GRIN2D: variants seen among roughly 807,000 people sequenced by gnomAD.
GRIN2D encodes the protein glutamate ionotropic receptor NMDA type subunit 2D.
Under a neutral mutation model 103.2 loss-of-function variants are expected in GRIN2D, and 37 were observed. The observed-to-expected ratio is 0.36, with a 90% CI of 0.28 to 0.47. The LOEUF is 0.47. GRIN2D is among the 20% of genes least tolerant of loss of function. The pLI is 1.00. For synonymous variants in GRIN2D, 845 were observed against 885.6 expected, an observed-to-expected ratio of 0.95 and a Z score of 0.81; for missense variants, 1,557 against 1,910.6, an observed-to-expected ratio of 0.81 and a Z score of 3.45.
intron 2 of GRIN2D, among the ~76,000 whole-genome samples, chr19:48,395,279 T>TC (rs905993918): frequency 6.8e-6 from 1 of 147,302 alleles, no homozygotes; most frequent in Non-Finnish European, 1.5e-5. Flanking sequence ...CCTGCATCAG[T>TC]CCCCCCATCG....
rs1294315268 is a variant in GRIN2D, at chr19:48,414,510, G to A, written c.1338G>A (p.Glu446=). The A allele has an allele frequency of 2.9e-5, 45 of 1,574,014 alleles. No homozygotes were observed. The highest frequency in any genetic ancestry group is 3.6e-5 in the Non-Finnish European group (42 of 1,159,858). Residue 446 remains glutamate (E), a synonymous_variant, in exon 6 of 14, where the codon GAG becomes GAA. Coordinates refer to ENST00000263269, the MANE Select transcript of GRIN2D (RefSeq NM_000836.4). The surrounding 1 kb of genome is among the most constrained non-coding windows in gnomAD (Gnocchi z 4.6). The part of the protein sequence containing the change: ...TLEERPFVIV[E]PADPISGTCI... Reference sequence around the variant, plus strand: ...AGGAAAGGCCGTTTGTCATCGTGGAGCCTGCAGACCCTATCAGCGGCACCT... The same window carrying A: ...AGGAAAGGCCGTTTGTCATCGTGGAACCTGCAGACCCTATCAGCGGCACCT...
chr19:48,415,522 G>A (rs1970936340), intron 7 of GRIN2D, among the ~76,000 whole-genome samples: 1 of 150,162 alleles, frequency 6.7e-6, no homozygotes, highest in Non-Finnish European at 1.5e-5. Flanking sequence ...GCGGGGTTTG[G>A]AGGAGGGACT....
At chr19:48,437,747 C>T (rs1971247988) in intron 11 of GRIN2D, among the ~76,000 whole-genome samples, 1 of 152,198 alleles carries the variant, frequency 6.6e-6, no homozygotes, top group African/African-American at 2.4e-5. Flanking sequence ...TAGCACTTCA[C>T]CTTTCACCCC....
At position 48,414,410 on chromosome 19, in the gene GRIN2D, AC is replaced by A; in HGVS notation, c.1241del (p.Pro414ArgfsTer79). The A allele has an allele frequency of 1.2e-6, 2 of 1,609,846 alleles. No individual in the cohort carries two copies. The highest frequency in any genetic ancestry group is 1.7e-6 in the Non-Finnish European group (2 of 1,178,522). On this transcript the variant is annotated frameshift_variant, in exon 6 of 14. Transcript: ENST00000263269. LOFTEE classifies it high-confidence loss of function. This position sits in a 1 kb window ranked among gnomAD's most constrained non-coding sequence, Gnocchi z 4.6. ...SWEQQTLRLK[Y>X]PLWSRYGRFL... ...GAGCAGCAGACGCTCCGCCTCAAGT[AC>A]CCGCTGTGGTCCCGCTATGGTCGCT...
At chr19:48,399,081 G>T (rs182445619) in intron 3 of GRIN2D, among the ~76,000 whole-genome samples, 1 of 152,230 alleles carries the variant, frequency 6.6e-6, no homozygotes, top group African/African-American at 2.4e-5. Flanking sequence ...TGGGCCTTTA[G>T]GGTCAGAAAG....
intron 8 of GRIN2D, among the ~76,000 whole-genome samples, chr19:48,418,312 C>T (rs1390371702): frequency 3.3e-5 from 5 of 152,068 alleles, no homozygotes; most frequent in Admixed American, 1.3e-4. Flanking sequence ...GGATTACAGG[C>T]GTGAACCACC....
intron 4 of GRIN2D, among the ~76,000 whole-genome samples, chr19:48,408,249 G>T (rs1208378736): frequency 6.6e-6 from 1 of 151,122 alleles, no homozygotes; most frequent in Non-Finnish European, 1.5e-5. Flanking sequence ...CAGGAGAATG[G>T]CATGAACCCG....
intron 4 of GRIN2D, among the ~76,000 whole-genome samples, chr19:48,412,873 G>T (rs1047731738): frequency 9.5e-5 from 14 of 147,502 alleles, no homozygotes; most frequent in Middle Eastern, 3.8e-3. Flanking sequence ...GCTCATGCCT[G>T]TAATCCCAAC....
In GRIN2D at chr19:48,415,041, G is replaced by A. The variant is rs1251851162; in HGVS notation, c.1581+9G>A. On this transcript the variant is annotated intron_variant, in intron 7 of 13. Transcript: ENST00000263269. ...ACGGCATGATCGGGGAGGTGAGGGG[G>A]CGGACGGGAGGCGGGGAATCTTCGG... 8 of 1,568,662 alleles carry A rather than the reference G, an allele frequency of 5.1e-6. No homozygotes were observed. The highest frequency in any genetic ancestry group is 6.9e-6 in the Non-Finnish European group (8 of 1,153,294).
chr19:48,418,157 C>T (rs1278186295), intron 8 of GRIN2D, among the ~76,000 whole-genome samples: 1 of 151,682 alleles, frequency 6.6e-6, no homozygotes, highest in Non-Finnish European at 1.5e-5. Context: ...CCTCAGCCTA[C>T]TGAGTAGTTG....
At chr19:48,401,671 C>T (rs767260105) in intron 3 of GRIN2D, among the ~76,000 whole-genome samples, 4 of 152,150 alleles carry the variant, frequency 2.6e-5, no homozygotes, top group African/African-American at 7.2e-5. Context: ...CTTGGGGCCA[C>T]GGTGAGGACT....
At chr19:48,430,994 A>G (rs1437042281) in intron 11 of GRIN2D, among the ~76,000 whole-genome samples, 1 of 151,760 alleles carries the variant, frequency 6.6e-6, no homozygotes, top group East Asian at 1.9e-4. Flanking sequence ...TAATTTTTGT[A>G]TTTTTTGTAA....
Position 48,405,154 on chromosome 19 carries a change from G to A in GRIN2D, c.886G>A (p.Gly296Arg). ...CCCTGGTGAGCCCCCTCTTCTGCCA[G>A]GAGGCGCCCCCCTGCCTGCCGGGCT... ...GAPGEPPLLP[G>R]GAPLPAGLFA... is the part of the protein sequence containing the mutation. The change falls in exon 4 of 14, where the codon GGA becomes AGA. Residue 296 changes from glycine to arginine, a missense_variant. Physicochemically the swap from Gly to Arg is moderately radical, Grantham distance 125. This residue lies in a region of GRIN2D where 490 missense variants were observed against 601.1 expected (regional missense o/e 0.82). Coordinates refer to ENST00000263269, the MANE Select transcript of GRIN2D (RefSeq NM_000836.4). The surrounding 1 kb of genome is among the most constrained non-coding windows in gnomAD (Gnocchi z 5.1). 6.3e-7 allele frequency: 1 copy of A among 1,576,534 alleles called. No homozygotes were observed. The highest frequency in any genetic ancestry group is 8.6e-7 in the Non-Finnish European group (1 of 1,162,566).
chr19:48,411,667 A>G (rs1307428413), intron 4 of GRIN2D, among the ~76,000 whole-genome samples: 1 of 151,854 alleles, frequency 6.6e-6, no homozygotes, highest in Non-Finnish European at 1.5e-5. Context: ...ATAAATAAAT[A>G]AATAAGAAGA....
intron 9 of GRIN2D, 55 bp from the exon 10 acceptor site, chr19:48,419,528 TCC>T: frequency 8.3e-7 from 1 of 1,209,094 alleles, no homozygotes; most frequent in African/African-American, 1.7e-5. Context: ...TTTTTTTTTT[TCC>T]CTTCCTTATT....
At chr19:48,419,485 C>CTT in intron 9 of GRIN2D, 100 bp from the exon 10 acceptor site, 2 of 1,378,938 alleles carry the variant, frequency 1.5e-6, no homozygotes, top group Non-Finnish European at 1.0e-6. Flanking sequence ...TGCCAGATGC[C>CTT]TTGAGGGCCA....
At chr19:48,438,649 G>A (rs1005347810) in intron 11 of GRIN2D, among the ~76,000 whole-genome samples, 4 of 151,790 alleles carry the variant, frequency 2.6e-5, no homozygotes, top group Non-Finnish European at 5.9e-5. Context: ...GGCCAGGCTG[G>A]TATCGAACTC....
rs35843733 is a variant in GRIN2D at position 48,441,979 on chromosome 19, C to T, written c.2440+23C>T. 9.3e-3 allele frequency: 14,821 copies of T among 1,589,506 alleles called. 90 individuals are homozygous for T. The highest frequency in any genetic ancestry group is 0.01 in the Non-Finnish European group (11,921 of 1,168,154). Reference sequence around the variant, plus strand: ...ATGGTGCGGCTGCACACAGGGATTTCCACAGCGGAGAGGGGGAGGGCGAGG... The same window carrying T: ...ATGGTGCGGCTGCACACAGGGATTTTCACAGCGGAGAGGGGGAGGGCGAGG... On this transcript the variant is annotated intron_variant, in intron 12 of 13. Coordinates refer to ENST00000263269, the MANE Select transcript of GRIN2D (RefSeq NM_000836.4).
chr19:48,402,971 G>T (rs1406610185), intron 3 of GRIN2D, among the ~76,000 whole-genome samples: 1 of 152,016 alleles, frequency 6.6e-6, no homozygotes, highest in East Asian at 1.9e-4. Context: ...AGCCGAGGCA[G>T]GCAGATCACT....
Sources: allele counts gnomAD v4.1 joint callset (sites outside exome capture counted in the v4.1 genomes callset), GRCh38; gene constraint gnomAD v4.1.1; regional missense constraint gnomAD v4.1.1; non-coding constraint Gnocchi (gnomAD v3.1); transcripts MANE v1.5; gene names NCBI Gene and HGNC (gene_info 2026-07-23, HGNC 2026-07-21).